TRAM1: variants seen among roughly 807,000 people sequenced by gnomAD.
TRAM1 encodes translocating chain-associated membrane protein 1.
A neutral mutation model predicts 48.7 loss-of-function variants in TRAM1; 17 were observed. That is an observed-to-expected ratio of 0.35 (90% confidence interval 0.24 to 0.52). The LOEUF (loss-of-function observed/expected upper bound fraction) is 0.52, where lower values mean the gene tolerates loss of function less well. TRAM1 is among the 20% of genes least tolerant of loss of function. TRAM1 has a pLI of 0.94. For synonymous variants in TRAM1, 182 were observed against 154.0 expected (o/e 1.18, Z -1.34); for missense variants, 351 against 441.5 (o/e 0.79, Z 1.84).
At chr8:70,601,705 T>C (rs542188951) in intron 1 of TRAM1, among the ~76,000 whole-genome samples, 5 of 152,294 alleles carry the variant, frequency 3.3e-5, no homozygotes, top group South Asian at 2.1e-4. Context: ...TGAAAGATAA[T>C]GAGACCTGAA....
rs268566 is a variant in TRAM1 at position 70,574,333 on chromosome 8, G to C, written c.*599C>G. 0.78 allele frequency: 247,838 copies of C among 317,564 alleles called. 99,104 individuals carry two copies. Among genetic ancestry groups the C allele is most frequent in the Non-Finnish European group, 0.85 (139,709 of 164,166 alleles). 19.7% of individuals were successfully genotyped at this position (317,564 alleles called of 1,614,324 possible). ...TTAGTAAAACTCCACGTGTTGTAACGATTATTATGTTTTTGTTTTTAAAAT... is the reference window on the plus strand; with the variant it reads ...TTAGTAAAACTCCACGTGTTGTAACCATTATTATGTTTTTGTTTTTAAAAT... On this transcript the variant is annotated 3_prime_UTR_variant, in exon 11 of 11. Coordinates refer to ENST00000262213, the MANE Select transcript of TRAM1 (RefSeq NM_014294.6).
rs1816881531 is a variant in TRAM1, at chr8:70,573,966, A to G, written c.*966T>C. 2 of 196,696 alleles carry G rather than the reference A, an allele frequency of 1.0e-5. No individual in the cohort carries two copies. Among genetic ancestry groups the G allele is most frequent in the East Asian group, 1.7e-4 (1 of 5,720 alleles). 12.2% of individuals were successfully genotyped at this position (196,696 alleles called of 1,614,324 possible). ...TAACATAAAGCACATTGTCTTTTGT[A>G]AGACTATTTATCCACCTGAATTTTC... On this transcript the variant is annotated 3_prime_UTR_variant, in exon 11 of 11. Transcript: ENST00000262213.
chr8:70,607,456 C>T (rs552727092), intron 1 of TRAM1: 1 of 985,508 alleles, frequency 1.0e-6, no homozygotes, highest in South Asian at 4.7e-5. Flanking sequence ...CGCGCCTCCA[C>T]TGCGCCGGTG....
At chr8:70,591,595 A>G (rs1817361990) in intron 6 of TRAM1, among the ~76,000 whole-genome samples, 1 of 152,186 alleles carries the variant, frequency 6.6e-6, no homozygotes, top group Admixed American at 6.5e-5. Context: ...AAAATATAAC[A>G]TACTTCAAAA....
chr8:70,598,295 C>A (rs980436944), intron 2 of TRAM1, 40 bp from the exon 3 acceptor site: 1 of 1,560,006 alleles, frequency 6.4e-7, no homozygotes, highest in Admixed American at 1.9e-5. Flanking sequence ...AAAATATACA[C>A]AAGGTTATAA....
rs201586623 is a variant in TRAM1, at chr8:70,608,218, G to T, written c.-19C>A. On this transcript the variant is annotated 5_prime_UTR_variant, in exon 1 of 11. Coordinates refer to ENST00000262213, the MANE Select transcript of TRAM1 (RefSeq NM_014294.6). ...TCGCCATGGTGGGGCCGCCGCCCGC[G>T]CCTGCAGGTGCTCCGCCCCGGTTCT... The T allele has an allele frequency of 3.6e-5, 57 of 1,578,198 alleles. No homozygotes were observed. In the East Asian group the frequency reaches 1.4e-3, roughly 38 times the overall value.
chr8:70,593,465 AT>A, intron 6 of TRAM1, among the ~76,000 whole-genome samples: 1 of 152,156 alleles, frequency 6.6e-6, no homozygotes, highest in Non-Finnish European at 1.5e-5. Flanking sequence ...GACAGAAAAG[AT>A]TCTGACATAC....
chr8:70,578,791 A>C (rs1799576328), intron 10 of TRAM1, among the ~76,000 whole-genome samples: 1 of 152,256 alleles, frequency 6.6e-6, no homozygotes, highest in Non-Finnish European at 1.5e-5. Flanking sequence ...ATTACAAAAA[A>C]GGGCTAATAC....
chr8:70,584,060 T>G (rs1170721785), intron 8 of TRAM1, among the ~76,000 whole-genome samples: 2 of 152,070 alleles, frequency 1.3e-5, no homozygotes. Flanking sequence ...TCCTATTAAG[T>G]AAAAGCCTAT....
intron 2 of TRAM1, 97 bp downstream of exon 2, chr8:70,599,922 C>T (rs1475828518): frequency 2.3e-5 from 20 of 864,894 alleles, no homozygotes; most frequent in Admixed American, 6.0e-5. Context: ...AGATCTCTGA[C>T]GATTAATTAA....
At chr8:70,598,451 G>T (rs1035407871) in intron 2 of TRAM1, among the ~76,000 whole-genome samples, 196 bp from the exon 3 acceptor site, 1 of 152,098 alleles carries the variant, frequency 6.6e-6, no homozygotes, top group African/African-American at 2.4e-5. Flanking sequence ...GAAATCTAAA[G>T]CTTTAGAAAT....
intron 10 of TRAM1, among the ~76,000 whole-genome samples, chr8:70,579,243 A>G (rs1817024297): frequency 6.6e-6 from 1 of 152,268 alleles, no homozygotes; most frequent in Non-Finnish European, 1.5e-5. Context: ...CCTAGGCTAA[A>G]AATCTGCATG....
intron 8 of TRAM1, among the ~76,000 whole-genome samples, chr8:70,586,145 C>A (rs886128167): frequency 9.9e-5 from 15 of 151,362 alleles, no homozygotes; most frequent in African/African-American, 3.6e-4. Flanking sequence ...AAACTGGAAA[C>A]CATCATTCTC....
intron 6 of TRAM1, among the ~76,000 whole-genome samples, chr8:70,591,901 G>T (rs1369638692): frequency 6.6e-6 from 1 of 151,894 alleles, no homozygotes; most frequent in East Asian, 1.9e-4. Context: ...GTCATGATGT[G>T]GAAAAAATGT....
intron 5 of TRAM1, 74 bp from the exon 6 acceptor site, chr8:70,594,664 A>C: frequency 8.3e-7 from 1 of 1,204,882 alleles, no homozygotes. Context: ...AAATACTGGA[A>C]ATCAGGATAT....
intron 6 of TRAM1, 136 bp from the exon 7 acceptor site, chr8:70,587,312 C>A: frequency 1.3e-6 from 1 of 760,136 alleles, no homozygotes; most frequent in Non-Finnish European, 2.1e-6. Flanking sequence ...CTTGGCCTTC[C>A]AAAGGGTTAG....
At chr8:70,597,668 CAAAAA>C (rs35449323) in intron 4 of TRAM1, among the ~76,000 whole-genome samples, 3 of 36,004 alleles carry the variant, frequency 8.3e-5, no homozygotes, top group Admixed American at 9.1e-4. Flanking sequence ...GACTCTGTCT[CAAAAA>C]AAAAAAAAAA....
At position 70,574,111 on chromosome 8, in the gene TRAM1, A is replaced by C. The variant is rs1563376917; in HGVS notation, c.*821T>G. On this transcript the variant is annotated 3_prime_UTR_variant, in exon 11 of 11. Coordinates refer to ENST00000262213, the MANE Select transcript of TRAM1 (RefSeq NM_014294.6). Reference sequence around the variant, plus strand: ...AGTGTTTGCAGGTTAAACTTTTCTAAGATGCTGTGCATATTAAACTTATTA... The same window carrying C: ...AGTGTTTGCAGGTTAAACTTTTCTACGATGCTGTGCATATTAAACTTATTA... The C allele has an allele frequency of 7.6e-6, 2 of 263,048 alleles. No homozygotes were observed. The allele number at this position is 263,048 out of a possible 1,614,324, so 16.3% of individuals were successfully genotyped here.
At chr8:70,606,224 GCT>G (rs1370271523) in intron 1 of TRAM1, among the ~76,000 whole-genome samples, 1 of 152,090 alleles carries the variant, frequency 6.6e-6, no homozygotes, top group African/African-American at 2.4e-5. Context: ...GGGTCTTCTT[GCT>G]CTGTCCTTCA....
Sources: gnomAD v4.1 joint callset for allele counts (sites outside exome capture counted in the v4.1 genomes callset) on GRCh38, gnomAD v4.1.1 for gene constraint, MANE v1.5 for transcripts, NCBI Gene and HGNC (gene_info 2026-07-23, HGNC 2026-07-21) for gene names.